TBL1X: variants seen among roughly 807,000 people sequenced by gnomAD.
The protein encoded by TBL1X is F-box-like/WD repeat-containing protein TBL1X.
Under a neutral mutation model 50.7 loss-of-function variants are expected in TBL1X, and 10 were observed. That is an observed-to-expected ratio of 0.20 (90% CI 0.12 to 0.33). The LOEUF is 0.33. TBL1X is among the 10% of genes least tolerant of loss of function. The pLI is 1.00. For missense variants in TBL1X, 340 were observed against 504.4 expected (o/e 0.67, Z 3.12); for synonymous variants, 190 against 214.7 (o/e 0.88, Z 1.01).
rs1209851379 is a variant in TBL1X at position 9,659,565 on chromosome X, A to G, written c.211+5243A>G. Among the ~76,000 whole-genome samples the G allele has an allele frequency of 3.6e-5, 4 of 112,498 alleles. No individual in the cohort carries two copies. In the Admixed American group the frequency reaches 3.7e-4, roughly 11 times the overall value. ...TTGGTGATTCCAACATAAAGCTACA[A>G]AAAAGATTTTCATACAGGTCATTTG... On this transcript the variant is annotated intron_variant, in intron 5 of 17. Transcript: ENST00000645353.
intron 3 of TBL1X, among the ~76,000 whole-genome samples, chrX:9,651,920 A>G (rs1218277578): frequency 8.9e-6 from 1 of 112,609 alleles, no homozygotes; most frequent in African/African-American, 3.2e-5. Context: ...CTCTTGCTGG[A>G]TAACAGACGA....
At chrX:9,578,311 C>G (rs1328527041) in intron 2 of TBL1X, among the ~76,000 whole-genome samples, 1 of 111,296 alleles carries the variant, frequency 9.0e-6, no homozygotes, top group Non-Finnish European at 1.9e-5. Context: ...TCAAAGCTGA[C>G]TGCAGCCTCC....
chrX:9,600,478 G>GGT, intron 2 of TBL1X, among the ~76,000 whole-genome samples: 1 of 81,214 alleles, frequency 1.2e-5, no homozygotes, highest in African/African-American at 4.5e-5. Flanking sequence ...GCGGGGGGGG[G>GGT]GGTACACAAA....
At chrX:9,714,829 GA>G (rs2083268430) in intron 16 of TBL1X, 72 bp from the exon 17 acceptor site, 1 of 989,757 alleles carries the variant, frequency 1.0e-6, no homozygotes, top group Non-Finnish European at 1.4e-6. Context: ...AGGGCCGGAG[GA>G]GCGCACATTC....
intron 5 of TBL1X, among the ~76,000 whole-genome samples, chrX:9,655,042 G>A (rs1045220854): frequency 2.7e-5 from 3 of 110,764 alleles, no homozygotes; most frequent in Middle Eastern, 4.6e-3. Context: ...TGGAAACCCC[G>A]CCCATGTTTG....
intron 5 of TBL1X, among the ~76,000 whole-genome samples, chrX:9,660,793 A>AT (rs1295979642): frequency 8.9e-6 from 1 of 112,322 alleles, no homozygotes; most frequent in African/African-American, 3.2e-5. Flanking sequence ...TAACGTATAT[A>AT]TGGCTCTGTG....
At chrX:9,555,610 G>C (rs1010336935) in intron 2 of TBL1X, among the ~76,000 whole-genome samples, 1 of 111,296 alleles carries the variant, frequency 9.0e-6, no homozygotes. Context: ...AACTTTTTGA[G>C]GAACTGCCAA....
chrX:9,539,319 A>G (rs1285032605), intron 2 of TBL1X, among the ~76,000 whole-genome samples: 3 of 111,447 alleles, frequency 2.7e-5, no homozygotes, highest in Admixed American at 1.9e-4. Flanking sequence ...GCACCTTGTC[A>G]AGTTAACCTT....
intron 2 of TBL1X, among the ~76,000 whole-genome samples, chrX:9,531,354 GGTGTGTGT>G (rs57905343): frequency 0.031 from 2,362 of 75,169 alleles, 77 homozygotes; most frequent in African/African-American, 0.1. Context: ...GAACCTGGAG[GGTGTGTGT>G]GTGTGTGTGT....
At chrX:9,520,176 C>T (rs2082099966) in intron 2 of TBL1X, among the ~76,000 whole-genome samples, 1 of 112,122 alleles carries the variant, frequency 8.9e-6, no homozygotes, top group Non-Finnish European at 1.9e-5. Context: ...TTTTATGTAG[C>T]CACAAACTGG....
chrX:9,515,567 T>G (rs1029601313), intron 2 of TBL1X, among the ~76,000 whole-genome samples: 16 of 112,032 alleles, frequency 1.4e-4, no homozygotes. Context: ...GGACATGCAC[T>G]GGTCAAGAAT....
intron 2 of TBL1X, among the ~76,000 whole-genome samples, chrX:9,539,885 G>C (rs2082206722): frequency 8.9e-6 from 1 of 112,350 alleles, no homozygotes; most frequent in African/African-American, 3.2e-5. Flanking sequence ...GTACAGCTGA[G>C]ACTTGGAACT....
At chrX:9,585,660 GT>G (rs2082465876) in intron 2 of TBL1X, among the ~76,000 whole-genome samples, 1 of 111,396 alleles carries the variant, frequency 9.0e-6, no homozygotes, top group African/African-American at 3.3e-5. Context: ...AAACTGTGGT[GT>G]TGTGGGGTTG....
intron 2 of TBL1X, among the ~76,000 whole-genome samples, chrX:9,584,047 A>G (rs1273432186): frequency 8.9e-6 from 1 of 112,268 alleles, no homozygotes; most frequent in African/African-American, 3.2e-5. Flanking sequence ...GTAAGGTACC[A>G]TTTCACCTTT....
intron 2 of TBL1X, among the ~76,000 whole-genome samples, chrX:9,551,188 G>A (rs755242110): frequency 9.0e-6 from 1 of 111,422 alleles, no homozygotes; most frequent in South Asian, 3.8e-4. Flanking sequence ...TATACGATGG[G>A]TGTCCAGCCT....
chrX:9,604,295 A>C (rs2082571465), intron 2 of TBL1X, among the ~76,000 whole-genome samples: 1 of 112,357 alleles, frequency 8.9e-6, no homozygotes, highest in Non-Finnish European at 1.9e-5. Flanking sequence ...GTTGCGTGAA[A>C]GGGCAATAGA....
intron 2 of TBL1X, among the ~76,000 whole-genome samples, chrX:9,555,185 C>G (rs866621383): frequency 9.0e-6 from 1 of 110,995 alleles, no homozygotes; most frequent in Middle Eastern, 4.2e-3. Flanking sequence ...AATCAGTCCT[C>G]CCACCTCAGC....
At chrX:9,571,187 A>T (rs1210149449) in intron 2 of TBL1X, among the ~76,000 whole-genome samples, 25 of 111,449 alleles carry the variant, frequency 2.2e-4, no homozygotes, top group Non-Finnish European at 1.3e-4. Flanking sequence ...TGGCTTGCAG[A>T]TGGCCGCCTT....
chrX:9,606,098 G>A (rs1485026386), intron 2 of TBL1X, among the ~76,000 whole-genome samples: 3 of 111,963 alleles, frequency 2.7e-5, no homozygotes, highest in African/African-American at 9.8e-5. Context: ...TTGAGACCTC[G>A]TGTGGGGCTG....
Sources: allele counts gnomAD v4.1 joint callset (sites outside exome capture counted in the v4.1 genomes callset), GRCh38; gene constraint gnomAD v4.1.1; transcripts MANE v1.5; gene names NCBI Gene and HGNC (gene_info 2026-07-23, HGNC 2026-07-21).